PCDHGA2: variants seen among roughly 807,000 people sequenced by gnomAD.
PCDHGA2 encodes protocadherin gamma subfamily A, 2, also known as protocadherin gamma-A2.
A neutral mutation model predicts 59.2 loss-of-function variants in PCDHGA2; 40 were observed. The ratio of observed to expected loss-of-function variants is 0.68; its 90% CI spans 0.52 to 0.88. The LOEUF (loss-of-function observed/expected upper bound fraction) is 0.88, where lower values mean the gene tolerates loss of function less well. Among genes scored for constraint, PCDHGA2 ranks in the 40% least tolerant of loss-of-function variants. The pLI, the probability that PCDHGA2 is intolerant of heterozygous loss-of-function variation, is 0.00. For missense variants in PCDHGA2, 1,226 were observed against 1,204.0 expected (o/e 1.02, Z -0.27); for synonymous variants, 560 against 526.0 (o/e 1.06, Z -0.89).
At chr5:141,375,421 C>G in intron 1 of PCDHGA2, 1 of 1,613,998 alleles carries the variant, frequency 6.2e-7, no homozygotes, top group South Asian at 1.1e-5. Flanking sequence ...CAGACACCAA[C>G]GACAACCCGC....
chr5:141,425,559 G>A (rs1180113940), intron 1 of PCDHGA2, among the ~76,000 whole-genome samples: 2 of 152,176 alleles, frequency 1.3e-5, no homozygotes, highest in East Asian at 3.9e-4. Context: ...TCTTTTATAA[G>A]TGATAAGAAG....
intron 1 of PCDHGA2, chr5:141,478,158 C>G: frequency 6.2e-7 from 1 of 1,614,054 alleles, no homozygotes; most frequent in Non-Finnish European, 8.5e-7. Flanking sequence ...CCCTCTGGCT[C>G]TGCCCCCCGG....
intron 1 of PCDHGA2, chr5:141,408,402 G>A: frequency 1.2e-6 from 2 of 1,614,052 alleles, no homozygotes; most frequent in Non-Finnish European, 1.7e-6. Context: ...CGCAAGCTGC[G>A]AGTGAGCGCG....
chr5:141,415,853 G>A, intron 1 of PCDHGA2: 1 of 1,186,350 alleles, frequency 8.4e-7, no homozygotes, highest in Non-Finnish European at 1.1e-6. Flanking sequence ...GCAGAACCTT[G>A]TAGTTTATAG....
chr5:141,455,533 T>C (rs1232689740), intron 1 of PCDHGA2, among the ~76,000 whole-genome samples: 1 of 152,134 alleles, frequency 6.6e-6, no homozygotes, highest in African/African-American at 2.4e-5. Flanking sequence ...TGACCAGGCA[T>C]ATCATTCACG....
Position 141,338,932 on chromosome 5 carries a change from TGCTGGAAGTTG to T in PCDHGA2, c.-39_-29del, listed in dbSNP as rs759988958. ...AATAAAGATTGGAATCCGCACTGGA[TGCTGGAAGTTG>T]ACTCGGAGAAAATTGCGACAGGAGG... On this transcript the variant is annotated 5_prime_UTR_variant, in exon 1 of 4. An upstream start codon of the reference 5' UTR is lost. Transcript: ENST00000394576. 41 of 1,521,740 alleles carry T rather than the reference TGCTGGAAGTTG, an allele frequency of 2.7e-5. No individual in the cohort carries two copies. Among genetic ancestry groups the T allele is most frequent in the Non-Finnish European group, 3.6e-5 (41 of 1,135,138 alleles). 94.3% of individuals were successfully genotyped at this position (1,521,740 alleles called of 1,614,324 possible).
chr5:141,487,380 G>A lies in PCDHGA2; in HGVS notation c.2425-7427G>A. On this transcript the variant is annotated intron_variant, in intron 1 of 3. Transcript: ENST00000394576. This position sits in a 1 kb window ranked among gnomAD's most constrained non-coding sequence, Gnocchi z 5.0. ...GCTGGCACCTGTGCCTGTCTCACCA[G>A]ATCTCGAAGGAGGGAGGGGCTTCCC... is the stretch of plus-strand genomic sequence containing the variant. The A allele has an allele frequency of 1.2e-6, 2 of 1,614,202 alleles. No individual in the cohort carries two copies. The highest frequency in any genetic ancestry group is 2.2e-5 in the South Asian group (2 of 91,078).
rs1757014856 is a variant in PCDHGA2 at position 141,341,038 on chromosome 5, C to G, written c.2067C>G (p.Leu689=). 5 of 1,614,080 alleles carry G rather than the reference C, an allele frequency of 3.1e-6. No homozygotes were observed. The highest frequency in any genetic ancestry group is 4.2e-6 in the Non-Finnish European group (5 of 1,180,040). ...CCGCCATACCCAACGATTCGGACCTCACTCTGTACCTGGTGGTGGCGGTGG... is the reference window on the plus strand; with the variant it reads ...CCGCCATACCCAACGATTCGGACCTGACTCTGTACCTGGTGGTGGCGGTGG... ...EPSAIPNDSD[L]TLYLVVAVAA... is the part of the protein sequence containing the mutation. Residue 689 remains leucine, a synonymous_variant, in exon 1 of 4, where the codon CTC becomes CTG. Coordinates refer to ENST00000394576, the MANE Select transcript of PCDHGA2 (RefSeq NM_018915.4).
In PCDHGA2 at chr5:141,339,410, A is replaced by G. The variant is rs1756833649; in HGVS notation, c.439A>G (p.Thr147Ala). The G allele has an allele frequency of 3.7e-6, 6 of 1,614,246 alleles. No homozygotes were observed. The East Asian group carries it at 1.3e-4, about 36-fold the overall frequency. ...GGAGCTAAAAATCAGTGAAACCACT[A>G]CGCCAGGATTCCGGATTCCTCTTAA... is the stretch of plus-strand genomic sequence containing the variant. ...ELELKISETT[T>A]PGFRIPLKNA... Residue 147 changes from threonine to alanine, a missense_variant, in exon 1 of 4, where the codon ACG (threonine) becomes GCG (alanine). Transcript: ENST00000394576.
At chr5:141,426,858 T>C (rs898486771) in intron 1 of PCDHGA2, 1 of 456,574 alleles carries the variant, frequency 2.2e-6, no homozygotes, top group Non-Finnish European at 4.4e-6. Context: ...CGCTCCAGAA[T>C]TAGTGCTGGA....
intron 1 of PCDHGA2, chr5:141,403,000 A>T: frequency 1.1e-5 from 18 of 1,613,980 alleles, no homozygotes; most frequent in Non-Finnish European, 1.4e-5. Context: ...TAGTCCTGCT[A>T]TGCTCGCTCC....
chr5:141,419,617 C>T (rs780077182), intron 1 of PCDHGA2: 2 of 1,612,280 alleles, frequency 1.2e-6, no homozygotes, highest in South Asian at 2.2e-5. Flanking sequence ...AGCCAGGCTA[C>T]CTGGTGACCA....
At chr5:141,394,332 A>G (rs1270394666) in intron 1 of PCDHGA2, 2 of 1,614,010 alleles carry the variant, frequency 1.2e-6, no homozygotes, top group Admixed American at 1.7e-5. Context: ...GTATATCTCC[A>G]TCAACTCTGA....
Position 141,340,528 on chromosome 5 carries a change from C to T in PCDHGA2, c.1557C>T (p.Ser519=), listed in dbSNP as rs771321111. 3.1e-6 allele frequency: 5 copies of T among 1,614,276 alleles called. No homozygotes were observed. The Admixed American group carries it at 8.3e-5, about 27-fold the overall frequency. ...SDTGVLYALR[S]FDYEQLRDLQ... ...CTGGAGTACTCTATGCACTGCGCTC[C>T]TTTGATTATGAGCAGTTGCGAGACT... The change falls in exon 1 of 4, where the codon TCC becomes TCT. Residue 519 remains serine, a synonymous_variant. Transcript: ENST00000394576.
In PCDHGA2 at chr5:141,350,557, T is replaced by C. The variant is rs372944053; in HGVS notation, c.2424+9162T>C. On this transcript the variant is annotated intron_variant, in intron 1 of 3. Transcript: ENST00000394576. ...AGATTTGCGGAAGGAAACTTGAGTG[T>C]GCACTAGAATTCGAAACGGTCGCTG... The C allele has an allele frequency of 6.8e-6, 11 of 1,614,060 alleles. No individual in the cohort carries two copies. The African/African-American group carries it at 1.5e-4, about 22-fold the overall frequency.
rs546302275 is a variant in PCDHGA2, at chr5:141,362,788, CT to C, written c.2424+21395del. Among the ~76,000 whole-genome samples, 614 of 152,314 alleles carry C rather than the reference CT, an allele frequency of 4.0e-3. 6 individuals are homozygous for C. Among genetic ancestry groups the C allele is most frequent in the Admixed American group, 0.011 (171 of 15,302 alleles). On this transcript the variant is annotated intron_variant, in intron 1 of 3. Coordinates refer to ENST00000394576, the MANE Select transcript of PCDHGA2 (RefSeq NM_018915.4). ...GAGATATTGCACTGTATTTCTTTTT[CT>C]TCCTCATCTTTACATTACTTCTCTC...
At chr5:141,478,759 A>G in intron 1 of PCDHGA2, 2 of 1,514,800 alleles carry the variant, frequency 1.3e-6, no homozygotes, top group African/African-American at 1.4e-5. Flanking sequence ...GGGGGAAGAT[A>G]CTTGACTCAT....
chr5:141,395,547 TGTGTGTGTGTG>T (rs750624769), intron 1 of PCDHGA2: 54,616 of 173,956 alleles, frequency 0.31, 7,840 homozygotes, highest in East Asian at 0.41. Context: ...ATTGTTTGTG[TGTGTGTGTGTG>T]TGTGTGTGTG....
chr5:141,494,556 T>C (rs909822734), intron 1 of PCDHGA2, among the ~76,000 whole-genome samples: 18 of 152,120 alleles, frequency 1.2e-4, no homozygotes, highest in African/African-American at 4.3e-4. Context: ...GCCATTTCTT[T>C]AGGAAAGGAG....
Sources: allele counts gnomAD v4.1 joint callset (sites outside exome capture counted in the v4.1 genomes callset), GRCh38; gene constraint gnomAD v4.1.1; non-coding constraint Gnocchi (gnomAD v3.1); transcripts MANE v1.5; gene names NCBI Gene and HGNC (gene_info 2026-07-23, HGNC 2026-07-21).